Variants in PTPRD observed in about 807,000 individuals in gnomAD.
The protein encoded by PTPRD is receptor-type tyrosine-protein phosphatase delta.
Under a neutral mutation model 214.5 loss-of-function variants are expected in PTPRD, and 34 were observed. That is an observed-to-expected ratio of 0.16 (90% CI 0.12 to 0.21). The LOEUF (loss-of-function observed/expected upper bound fraction) is 0.21. Ranked by LOEUF, PTPRD falls within the 10% of genes least tolerant of loss-of-function variation. The probability of loss-of-function intolerance (pLI) is 1.00; values close to 1 mark genes in which losing one functional copy is unlikely to be tolerated. For synonymous variants in PTPRD, 1,128 were observed against 845.7 expected (o/e 1.33, Z -5.79); for missense variants, 2,545 against 2,398.7 (o/e 1.06, Z -1.27).
chr9:8,400,865 A>G (rs2130115157), intron 36 of PTPRD, among the ~76,000 whole-genome samples: 1 of 152,344 alleles, frequency 6.6e-6, no homozygotes, highest in Middle Eastern at 3.4e-3. Context: ...AACAACGGAT[A>G]AGGAAACTAC....
At chr9:9,243,407 C>A (rs2099971387) in intron 9 of PTPRD, among the ~76,000 whole-genome samples, 1 of 152,034 alleles carries the variant, frequency 6.6e-6, no homozygotes, top group African/African-American at 2.4e-5. Context: ...TACTGGCAAA[C>A]CGAATCCAGC....
At chr9:10,166,284 A>AT (rs2099158657) in intron 3 of PTPRD, among the ~76,000 whole-genome samples, 1 of 150,834 alleles carries the variant, frequency 6.6e-6, no homozygotes, top group African/African-American at 2.4e-5. Flanking sequence ...TGAGAAAAAA[A>AT]AATTGTTTGA....
intron 5 of PTPRD, among the ~76,000 whole-genome samples, chr9:9,776,722 C>T (rs1407288174): frequency 6.6e-6 from 1 of 152,150 alleles, no homozygotes; most frequent in Non-Finnish European, 1.5e-5. Context: ...TTTTCCTTTA[C>T]TTTAAAATTA....
chr9:9,490,759 T>G (rs2095859107), intron 8 of PTPRD, among the ~76,000 whole-genome samples: 1 of 151,624 alleles, frequency 6.6e-6, no homozygotes, highest in Admixed American at 6.6e-5. Flanking sequence ...CTTAAACATT[T>G]CACTACAAAA....
chr9:10,267,967 TA>T (rs1174497435), intron 3 of PTPRD, among the ~76,000 whole-genome samples: 1 of 152,128 alleles, frequency 6.6e-6, no homozygotes, highest in East Asian at 1.9e-4. Context: ...AAATTTATGC[TA>T]AAAAAATATG....
chr9:10,425,091 G>C (rs2098600117), intron 2 of PTPRD, among the ~76,000 whole-genome samples: 1 of 151,822 alleles, frequency 6.6e-6, no homozygotes, highest in African/African-American at 2.4e-5. Flanking sequence ...AATATAAAAA[G>C]AAACAGGATT....
At chr9:10,609,884 T>C (rs1001856942) in intron 2 of PTPRD, among the ~76,000 whole-genome samples, 3 of 152,080 alleles carry the variant, frequency 2.0e-5, no homozygotes, top group Non-Finnish European at 4.4e-5. Context: ...TTTATGTTAA[T>C]ATTAAAAGAA....
chr9:8,523,447 G>A (rs2139070725), intron 19 of PTPRD, 66 bp downstream of exon 19: 3 of 1,544,900 alleles, frequency 1.9e-6, no homozygotes, highest in Middle Eastern at 1.7e-4. Flanking sequence ...CATTTCATTT[G>A]TATTCTTTGT....
intron 14 of PTPRD, among the ~76,000 whole-genome samples, chr9:8,590,470 C>T (rs940386647): frequency 6.6e-6 from 1 of 152,096 alleles, no homozygotes; most frequent in Admixed American, 6.6e-5. Context: ...ATGCCTTAGT[C>T]TCTTTCACTT....
At chr9:9,322,344 C>T (rs1046133583) in intron 9 of PTPRD, among the ~76,000 whole-genome samples, 9 of 152,090 alleles carry the variant, frequency 5.9e-5, no homozygotes, top group Non-Finnish European at 1.0e-4. Flanking sequence ...TATTGTCATA[C>T]ATAATTCACA....
rs145089994 is a variant in PTPRD at position 9,288,467 on chromosome 9, G to T, written c.-202-105104C>A. On this transcript the variant is annotated intron_variant, in intron 9 of 45. Transcript: ENST00000381196. ...ACGTAAAGATCAGAGTATTTCCATA[G>T]TCATTAACCAGCACTTGGCCTTTAA... 3.7e-3 allele frequency among the ~76,000 whole-genome samples: 557 copies of T among 151,808 alleles called. 3 individuals are homozygous for T. The highest frequency in any genetic ancestry group is 6.2e-3 in the Non-Finnish European group (419 of 67,862).
chr9:8,726,764 G>A (rs1007715159), intron 12 of PTPRD, among the ~76,000 whole-genome samples: 2 of 140,446 alleles, frequency 1.4e-5, no homozygotes, highest in Admixed American at 1.5e-4. Flanking sequence ...TGGTGCCACT[G>A]CACTCCAGCC....
chr9:9,547,660 A>C (rs2079111522), intron 8 of PTPRD, among the ~76,000 whole-genome samples: 1 of 152,090 alleles, frequency 6.6e-6, no homozygotes, highest in African/African-American at 2.4e-5. Context: ...TATTTTGTAC[A>C]TCAGGATATT....
At chr9:9,191,495 C>G (rs138793056) in intron 9 of PTPRD, among the ~76,000 whole-genome samples, 1,954 of 152,166 alleles carry the variant, frequency 0.013, 25 homozygotes, top group Non-Finnish European at 0.02. Flanking sequence ...TAAGAAAAGT[C>G]TGATTTAAGT....
intron 2 of PTPRD, among the ~76,000 whole-genome samples, chr9:10,483,844 A>C (rs1285763740): frequency 1.3e-5 from 2 of 152,178 alleles, no homozygotes; most frequent in Non-Finnish European, 2.9e-5. Context: ...AAATTAATAC[A>C]ACCTCTCTGG....
chr9:8,622,994 A>G (rs2095869314), intron 14 of PTPRD, among the ~76,000 whole-genome samples: 1 of 149,298 alleles, frequency 6.7e-6, no homozygotes, highest in Admixed American at 6.7e-5. Flanking sequence ...ACAAAATACA[A>G]AAAAAAAAAT....
intron 4 of PTPRD, among the ~76,000 whole-genome samples, chr9:10,006,259 A>G (rs2096472931): frequency 6.6e-6 from 1 of 152,040 alleles, no homozygotes; most frequent in Admixed American, 6.6e-5. Flanking sequence ...GGATAACTCA[A>G]CTACTTAGCA....
intron 3 of PTPRD, among the ~76,000 whole-genome samples, chr9:10,059,929 T>C (rs1390850075): frequency 1.3e-5 from 2 of 152,044 alleles, no homozygotes; most frequent in African/African-American, 4.8e-5. Context: ...TATTGCTGCA[T>C]TCAGAGATAA....
At chr9:10,328,153 T>G (rs1380643135) in intron 3 of PTPRD, among the ~76,000 whole-genome samples, 1 of 151,764 alleles carries the variant, frequency 6.6e-6, no homozygotes, top group African/African-American at 2.4e-5. Context: ...TAAGGAAGGT[T>G]GAGAACCATT....
Sources: gnomAD v4.1 joint callset for allele counts (sites outside exome capture counted in the v4.1 genomes callset) on GRCh38, gnomAD v4.1.1 for gene constraint, MANE v1.5 for transcripts, NCBI Gene and HGNC (gene_info 2026-07-23, HGNC 2026-07-21) for gene names.